Variants in PHF20 observed in about 807,000 individuals in gnomAD.
The protein encoded by PHF20 is PHD finger protein 20.
In PHF20, 23 loss-of-function variants were observed where a neutral mutation model predicts 113.5. That is an observed-to-expected ratio of 0.20 (90% CI 0.15 to 0.29). The LOEUF (loss-of-function observed/expected upper bound fraction) is 0.29. PHF20 is among the 10% of genes least tolerant of loss of function. PHF20 has a pLI of 1.00. For synonymous variants in PHF20, 434 were observed against 457.3 expected, an observed-to-expected ratio of 0.95 and a Z score of 0.65; for missense variants, 943 against 1,219.6, an observed-to-expected ratio of 0.77 and a Z score of 3.38.
chr20:35,786,563 T>A (rs1197013274), intron 1 of PHF20, among the ~76,000 whole-genome samples: 1 of 147,394 alleles, frequency 6.8e-6, no homozygotes, highest in African/African-American at 2.5e-5. Flanking sequence ...TTAGCCCAGT[T>A]TGGTGGTGCA....
intron 2 of PHF20, among the ~76,000 whole-genome samples, chr20:35,839,397 A>G (rs1424410526): frequency 1.3e-5 from 2 of 150,134 alleles, no homozygotes; most frequent in African/African-American, 4.8e-5. Context: ...TCTCAAAAAA[A>G]AAAAAAAAAA....
intron 9 of PHF20, among the ~76,000 whole-genome samples, chr20:35,889,855 G>C (rs2147034615): frequency 6.6e-6 from 1 of 151,934 alleles, no homozygotes; most frequent in South Asian, 2.1e-4. Context: ...AGCCTCCCAA[G>C]TAGCTGGGAC....
chr20:35,859,520 C>G (rs10485511), intron 5 of PHF20, among the ~76,000 whole-genome samples: 6,634 of 151,074 alleles, frequency 0.044, 183 homozygotes, highest in African/African-American at 0.083. Context: ...TTTGGTGATG[C>G]TATAACCTGT....
At chr20:35,827,784 GA>G (rs568505287) in intron 2 of PHF20, among the ~76,000 whole-genome samples, 1,964 of 70,822 alleles carry the variant, frequency 0.028, 26 homozygotes, top group East Asian at 0.088. Flanking sequence ...CTCCATCTCA[GA>G]AAAAAAAAAA....
chr20:35,787,205 G>A (rs2041439275), intron 1 of PHF20, among the ~76,000 whole-genome samples: 1 of 151,068 alleles, frequency 6.6e-6, no homozygotes, highest in African/African-American at 2.4e-5. Context: ...TTCAGACAGA[G>A]TTTCACTCTT....
At chr20:35,772,405 G>T (rs2041078513) in intron 1 of PHF20, among the ~76,000 whole-genome samples, 1 of 152,162 alleles carries the variant, frequency 6.6e-6, no homozygotes, top group Non-Finnish European at 1.5e-5. Context: ...TGGGGGTGCG[G>T]GTAAGCCCTA....
At chr20:35,868,184 T>C (rs936275956) in intron 6 of PHF20, among the ~76,000 whole-genome samples, 2 of 151,688 alleles carry the variant, frequency 1.3e-5, no homozygotes, top group Middle Eastern at 3.4e-3. Context: ...TCCCAGCTAC[T>C]TGGGAGGCTG....
At chr20:35,792,772 C>T (rs966388099) in intron 1 of PHF20, among the ~76,000 whole-genome samples, 1 of 152,076 alleles carries the variant, frequency 6.6e-6, no homozygotes, top group Non-Finnish European at 1.5e-5. Flanking sequence ...TGCTAGTATA[C>T]CACCATTGCC....
chr20:35,852,684 C>T (rs1295441651), intron 4 of PHF20, among the ~76,000 whole-genome samples: 7 of 151,500 alleles, frequency 4.6e-5, no homozygotes, highest in South Asian at 2.1e-4. Context: ...CTGCAACCTC[C>T]GCCTCCTGGG....
Position 35,899,481 on chromosome 20 carries a change from A to G in PHF20, c.1394A>G (p.Lys465Arg). ...GTGGACTGTTTAAAATTTTTCCGCA[A>G]AGCCAAACTGTTGCACTATCACATG... ...KVVDCLKFFRKAKLLHYHMKY... is the reference protein window; with the variant it reads ...KVVDCLKFFRRAKLLHYHMKY... The change falls in exon 10 of 18, where the codon AAA becomes AGA. Residue 465 changes from lysine (K) to arginine (R), a missense_variant. By Grantham distance (26) the Lys-to-Arg change is conservative. Transcript: ENST00000374012. 6.2e-7 allele frequency: 1 copy of G among 1,614,202 alleles called. No homozygotes were observed.
intron 13 of PHF20, 49 bp from the exon 14 acceptor site, chr20:35,927,731 G>T (rs866930473): frequency 7.0e-7 from 1 of 1,435,840 alleles, no homozygotes; most frequent in Non-Finnish European, 9.8e-7. Flanking sequence ...ACTTTTGGAT[G>T]GAGAACACCT....
intron 9 of PHF20, among the ~76,000 whole-genome samples, chr20:35,879,509 C>T (rs186844281): frequency 9.2e-5 from 14 of 152,128 alleles, no homozygotes; most frequent in African/African-American, 3.1e-4. Context: ...CTGTAACAAT[C>T]GTAAACATTA....
intron 2 of PHF20, among the ~76,000 whole-genome samples, chr20:35,802,241 A>G (rs760421617): frequency 2.6e-5 from 4 of 152,156 alleles, no homozygotes; most frequent in Non-Finnish European, 5.9e-5. Flanking sequence ...GAAAGACCTT[A>G]TAGACTGTGA....
chr20:35,842,175 A>G (rs1219490748), intron 2 of PHF20, among the ~76,000 whole-genome samples: 3 of 151,910 alleles, frequency 2.0e-5, no homozygotes, highest in Non-Finnish European at 4.4e-5. Context: ...GCGAAACCCC[A>G]TCTCTACTAA....
chr20:35,831,333 A>T (rs1327435248), intron 2 of PHF20, among the ~76,000 whole-genome samples: 2 of 152,062 alleles, frequency 1.3e-5, no homozygotes, highest in Non-Finnish European at 2.9e-5. Flanking sequence ...CTAATTAAAA[A>T]AATTTTTTTT....
chr20:35,788,981 A>T (rs1341775843), intron 1 of PHF20, among the ~76,000 whole-genome samples: 1 of 152,198 alleles, frequency 6.6e-6, no homozygotes, highest in East Asian at 1.9e-4. Context: ...AGATCTGCTT[A>T]GATAGGCAGT....
At chr20:35,933,509 G>C (rs1477303076) in intron 15 of PHF20, among the ~76,000 whole-genome samples, 4 of 151,808 alleles carry the variant, frequency 2.6e-5, no homozygotes, top group South Asian at 4.1e-4. Flanking sequence ...CCATTCTCCT[G>C]CCTCAGCCTC....
intron 10 of PHF20, among the ~76,000 whole-genome samples, chr20:35,908,587 G>T (rs1170126841): frequency 1.3e-5 from 2 of 152,202 alleles, no homozygotes; most frequent in Non-Finnish European, 2.9e-5. Context: ...GGATCAGGGA[G>T]CAGTCTGTGT....
intron 2 of PHF20, among the ~76,000 whole-genome samples, chr20:35,812,062 A>G (rs1477614907): frequency 1.3e-5 from 2 of 151,560 alleles, no homozygotes; most frequent in Admixed American, 1.3e-4. Context: ...CATGAGCCAC[A>G]GCGCCCGGCC....
Sources: gnomAD v4.1 joint callset for allele counts (sites outside exome capture counted in the v4.1 genomes callset) on GRCh38, gnomAD v4.1.1 for gene constraint, MANE v1.5 for transcripts, NCBI Gene and HGNC (gene_info 2026-07-23, HGNC 2026-07-21) for gene names.